The following MVB12B variants were observed in gnomAD, a reference collection of about 807,000 sequenced individuals.
MVB12B encodes the protein ESCRT-I complex subunit MVB12B.
MVB12B carries 16 observed loss-of-function variants against 41.6 expected under a neutral mutation model. That is an observed-to-expected ratio of 0.38 (90% CI 0.26 to 0.58). MVB12B has a LOEUF of 0.58. Ranked by LOEUF, MVB12B falls within the 20% of genes least tolerant of loss-of-function variation. The probability of loss-of-function intolerance (pLI) is 0.62; values close to 1 mark genes in which losing one functional copy is unlikely to be tolerated. For synonymous variants in MVB12B, 133 were observed against 139.7 expected (o/e 0.95, Z 0.34); for missense variants, 274 against 380.2 (o/e 0.72, Z 2.32).
intron 9 of MVB12B, among the ~76,000 whole-genome samples, chr9:126,497,126 G>C (rs934619227): frequency 3.9e-5 from 6 of 152,138 alleles, no homozygotes; most frequent in Non-Finnish European, 8.8e-5. Context: ...GCAGTGCCCA[G>C]ACACACAGGC....
At chr9:126,396,543 T>G (rs1831118273) in intron 6 of MVB12B, 1 of 985,500 alleles carries the variant, frequency 1.0e-6, no homozygotes, top group Non-Finnish European at 1.2e-6. Context: ...GAGTCACCAG[T>G]AGGTCTTCCT....
Position 126,336,754 on chromosome 9 carries a change from GCA to G in MVB12B, c.82-3728_82-3727del, listed in dbSNP as rs113110128. On this transcript the variant is annotated intron_variant, in intron 1 of 9. Transcript: ENST00000361171. Reference sequence around the variant, plus strand: ...CGCACATACATGTTTGTGTGTGCACGCACACACACACACACACACACACACAC... The same window carrying G: ...CGCACATACATGTTTGTGTGTGCACGCACACACACACACACACACACACAC... 1.9e-3 allele frequency among the ~76,000 whole-genome samples: 286 copies of G among 150,396 alleles called. 1 individual carries two copies. The highest frequency in any genetic ancestry group is 6.9e-3 in the Middle Eastern group (2 of 290).
intron 7 of MVB12B, among the ~76,000 whole-genome samples, chr9:126,448,568 G>A (rs968691215): frequency 6.6e-6 from 1 of 152,204 alleles, no homozygotes; most frequent in Admixed American, 6.5e-5. Flanking sequence ...TCACGGTTCT[G>A]CAGACTATAT....
intron 7 of MVB12B, among the ~76,000 whole-genome samples, chr9:126,432,195 GA>G (rs1832347543): frequency 6.6e-6 from 1 of 152,190 alleles, no homozygotes. Context: ...TTTTTCAGCA[GA>G]AATATGCCCA....
chr9:126,495,903 T>C (rs953469333), intron 9 of MVB12B, among the ~76,000 whole-genome samples: 1 of 152,142 alleles, frequency 6.6e-6, no homozygotes, highest in African/African-American at 2.4e-5. Context: ...ATCACTAGAC[T>C]TAGACTCATT....
intron 2 of MVB12B, among the ~76,000 whole-genome samples, chr9:126,350,088 A>AT (rs1337978841): frequency 6.6e-6 from 1 of 152,204 alleles, no homozygotes; most frequent in Non-Finnish European, 1.5e-5. Context: ...CTAGTGGTTA[A>AT]TGAATGATGT....
chr9:126,435,425 G>A (rs1247429107), intron 7 of MVB12B, among the ~76,000 whole-genome samples: 1 of 152,146 alleles, frequency 6.6e-6, no homozygotes, highest in African/African-American at 2.4e-5. Context: ...TGTAATTGCT[G>A]GAGATGTTAG....
At chr9:126,490,563 C>T (rs1374774423) in intron 9 of MVB12B, among the ~76,000 whole-genome samples, 3 of 152,206 alleles carry the variant, frequency 2.0e-5, no homozygotes, top group Admixed American at 1.3e-4. Flanking sequence ...GCGGAGGAAG[C>T]ACACATTAGC....
chr9:126,460,628 G>A (rs887927073), intron 7 of MVB12B, among the ~76,000 whole-genome samples: 2 of 152,080 alleles, frequency 1.3e-5, no homozygotes, highest in Non-Finnish European at 2.9e-5. Flanking sequence ...ACCGGGGTCT[G>A]GAGAAGGGAG....
chr9:126,400,284 G>A (rs1403519794), intron 6 of MVB12B, among the ~76,000 whole-genome samples: 2 of 152,188 alleles, frequency 1.3e-5, no homozygotes, highest in African/African-American at 4.8e-5. Context: ...CCAGAAGGCA[G>A]AATTAGGTCA....
At chr9:126,346,279 G>A (rs1829585197) in intron 2 of MVB12B, among the ~76,000 whole-genome samples, 1 of 152,222 alleles carries the variant, frequency 6.6e-6, no homozygotes, top group Admixed American at 6.5e-5. Flanking sequence ...CAATGGACAT[G>A]TGAAGCAGTA....
intron 2 of MVB12B, among the ~76,000 whole-genome samples, chr9:126,363,519 A>G (rs1424904717): frequency 6.6e-6 from 1 of 152,176 alleles, no homozygotes; most frequent in Non-Finnish European, 1.5e-5. Flanking sequence ...ACTCCATTCT[A>G]ACCTTCTCCA....
chr9:126,437,198 G>A (rs542761398), intron 7 of MVB12B, among the ~76,000 whole-genome samples: 156 of 152,234 alleles, frequency 1.0e-3, no homozygotes, highest in Middle Eastern at 6.8e-3. Flanking sequence ...GTTTGCTTGC[G>A]TAAACTCCAT....
chr9:126,439,167 G>A (rs376967164), intron 7 of MVB12B, among the ~76,000 whole-genome samples: 4 of 152,056 alleles, frequency 2.6e-5, no homozygotes, highest in Non-Finnish European at 4.4e-5. Context: ...GCAGGCCTGC[G>A]TTGATGCCTC....
chr9:126,437,391 T>C (rs1316770929), intron 7 of MVB12B, among the ~76,000 whole-genome samples: 1 of 152,232 alleles, frequency 6.6e-6, no homozygotes, highest in Non-Finnish European at 1.5e-5. Context: ...GGAACTGATA[T>C]TAGACTCCTT....
intron 9 of MVB12B, among the ~76,000 whole-genome samples, chr9:126,491,535 C>T (rs1298052718): frequency 1.3e-5 from 2 of 152,222 alleles, no homozygotes; most frequent in African/African-American, 2.4e-5. Context: ...TTTTCTCTGC[C>T]TATGAGATTC....
rs1830891732 is a variant in MVB12B, at chr9:126,389,724, G to A, written c.410-2342G>A. ...ATCTTTGAAGTTGCAGAGTTGCCAT[G>A]AGCAGCGCCCCCAACTCCCCAGGTT... is the stretch of plus-strand genomic sequence containing the variant. On this transcript the variant is annotated intron_variant, in intron 4 of 9. Transcript: ENST00000361171. This position sits in a 1 kb window ranked among gnomAD's most constrained non-coding sequence, Gnocchi z 4.4. Among the ~76,000 whole-genome samples, 1 of 152,046 alleles carries A rather than the reference G, an allele frequency of 6.6e-6. No individual in the cohort carries two copies. The highest frequency in any genetic ancestry group is 1.5e-5 in the Non-Finnish European group (1 of 68,004).
intron 6 of MVB12B, among the ~76,000 whole-genome samples, chr9:126,403,836 A>G (rs1346502713): frequency 6.6e-6 from 1 of 152,260 alleles, no homozygotes; most frequent in African/African-American, 2.4e-5. Context: ...ATAGGACTGG[A>G]CATCATATTT....
At chr9:126,382,896 T>C (rs1299703815) in intron 3 of MVB12B, among the ~76,000 whole-genome samples, 1 of 152,144 alleles carries the variant, frequency 6.6e-6, no homozygotes, top group Non-Finnish European at 1.5e-5. Flanking sequence ...ATTGATTTCA[T>C]CAACATATGT....
Sources: allele counts gnomAD v4.1 joint callset (sites outside exome capture counted in the v4.1 genomes callset), GRCh38; gene constraint gnomAD v4.1.1; non-coding constraint Gnocchi (gnomAD v3.1); transcripts MANE v1.5; gene names NCBI Gene and HGNC (gene_info 2026-07-23, HGNC 2026-07-21).